Variants in CACNA2D1 observed in about 807,000 individuals in gnomAD.
The protein encoded by CACNA2D1 is calcium voltage-gated channel auxiliary subunit alpha2delta 1.
Under a neutral mutation model 171.5 loss-of-function variants are expected in CACNA2D1, and 53 were observed. The observed-to-expected ratio is 0.31, with a 90% CI of 0.25 to 0.39. The LOEUF (loss-of-function observed/expected upper bound fraction) is 0.39, where lower values mean the gene tolerates loss of function less well. CACNA2D1 is among the 10% of genes least tolerant of loss of function. The pLI, the probability that CACNA2D1 is intolerant of heterozygous loss-of-function variation, is 1.00. For missense variants in CACNA2D1, 903 were observed against 1,299.8 expected, an observed-to-expected ratio of 0.69 and a Z score of 4.69; for synonymous variants, 442 against 443.1, an observed-to-expected ratio of 1.00 and a Z score of 0.03.
chr7:82,141,859 C>T (rs1392332531), intron 4 of CACNA2D1, among the ~76,000 whole-genome samples: 1 of 152,182 alleles, frequency 6.6e-6, no homozygotes, highest in Non-Finnish European at 1.5e-5. Context: ...AAAATTCCCT[C>T]AGTCCCTTCT....
intron 4 of CACNA2D1, among the ~76,000 whole-genome samples, chr7:82,138,475 G>C (rs555607813): frequency 0.035 from 4,544 of 129,794 alleles, 119 homozygotes; most frequent in Middle Eastern, 0.12. Flanking sequence ...GAGACAGAGT[G>C]TCGCTGTGTC....
At position 82,149,740 on chromosome 7, in the gene CACNA2D1, A is replaced by G. The variant is rs190588139; in HGVS notation, c.355-13064T>C. 2.2e-3 allele frequency among the ~76,000 whole-genome samples: 328 copies of G among 151,486 alleles called. 2 individuals are homozygous for G. Among genetic ancestry groups the G allele is most frequent in the African/African-American group, 6.9e-3 (284 of 41,388 alleles). ...TCAGGAGATCGAGACCACCCTGGCT[A>G]ATACGGTAAAACCCTGTCTCTACTA... On this transcript the variant is annotated intron_variant, in intron 4 of 38. Transcript: ENST00000356860.
intron 28 of CACNA2D1, among the ~76,000 whole-genome samples, chr7:81,969,208 A>G (rs1371598678): frequency 6.6e-6 from 1 of 151,418 alleles, no homozygotes; most frequent in Non-Finnish European, 1.5e-5. Context: ...GCTTGGTTGC[A>G]TCTGCTTTCA....
chr7:81,968,548 GT>G (rs1000035862), intron 29 of CACNA2D1, among the ~76,000 whole-genome samples: 10 of 151,262 alleles, frequency 6.6e-5, no homozygotes, highest in African/African-American at 2.4e-4. Flanking sequence ...ATATAACTTT[GT>G]ACGTATTTTA....
chr7:81,999,335 G>T lies in CACNA2D1; in HGVS notation c.1591-2085C>A, dbSNP rs574660484. ...AAAAGCATAATCTTTCAATAAGAAA[G>T]CACCAAGAGAGGCTGAAGAACTGGA... is the stretch of plus-strand genomic sequence containing the variant. On this transcript the variant is annotated intron_variant, in intron 18 of 38. Transcript: ENST00000356860. Among the ~76,000 whole-genome samples the T allele has an allele frequency of 4.6e-5, 7 of 152,224 alleles. No individual in the cohort carries two copies. In the South Asian group the frequency reaches 1.5e-3, roughly 32 times the overall value.
chr7:82,120,157 G>T (rs1372256656), intron 5 of CACNA2D1, among the ~76,000 whole-genome samples: 3 of 152,174 alleles, frequency 2.0e-5, no homozygotes, highest in Admixed American at 1.3e-4. Flanking sequence ...ACTCTAGCCT[G>T]GGTGACAGAA....
chr7:82,355,610 T>C (rs1159293452), intron 1 of CACNA2D1, among the ~76,000 whole-genome samples: 1 of 152,090 alleles, frequency 6.6e-6, no homozygotes, highest in Non-Finnish European at 1.5e-5. Context: ...TCCTAACTAG[T>C]GTTCATCACT....
rs898993136 is a variant in CACNA2D1, at chr7:81,952,254, A to G, written c.3160-1746T>C. On this transcript the variant is annotated intron_variant, in intron 38 of 38. Transcript: ENST00000356860. ...TAGATGTTCTAAGAATCAAAATAAT[A>G]GGTTGAACAATTTTCTTTCAGGATA... Among the ~76,000 whole-genome samples the G allele has an allele frequency of 4.2e-4, 64 of 152,098 alleles. 1 individual carries two copies. The highest frequency in any genetic ancestry group is 7.5e-4 in the Non-Finnish European group (51 of 67,972).
chr7:82,216,647 G>C (rs1297244790), intron 3 of CACNA2D1, among the ~76,000 whole-genome samples: 1 of 151,874 alleles, frequency 6.6e-6, no homozygotes, highest in Non-Finnish European at 1.5e-5. Context: ...TCACCATAAT[G>C]AGATAGTTTG....
intron 1 of CACNA2D1, among the ~76,000 whole-genome samples, chr7:82,420,071 T>C (rs934624954): frequency 1.3e-5 from 2 of 152,172 alleles, no homozygotes; most frequent in African/African-American, 4.8e-5. Flanking sequence ...AGTCCTGAGG[T>C]TGAGAAATTC....
chr7:82,208,266 C>T (rs900384889), intron 3 of CACNA2D1, among the ~76,000 whole-genome samples: 1 of 152,048 alleles, frequency 6.6e-6, no homozygotes, highest in African/African-American at 2.4e-5. Context: ...AAATAATATA[C>T]ATTAACGATA....
chr7:82,323,468 G>A (rs929450115), intron 3 of CACNA2D1, among the ~76,000 whole-genome samples: 2 of 152,122 alleles, frequency 1.3e-5, no homozygotes, highest in Admixed American at 6.5e-5. Context: ...CGACCTATGC[G>A]CAGGACCAGC....
intron 5 of CACNA2D1, among the ~76,000 whole-genome samples, chr7:82,132,345 T>C (rs955186554): frequency 6.6e-6 from 1 of 152,222 alleles, no homozygotes; most frequent in African/African-American, 2.4e-5. Flanking sequence ...TCTCAATTAC[T>C]ATCCCTTCTC....
intron 1 of CACNA2D1, among the ~76,000 whole-genome samples, chr7:82,381,991 T>C (rs541102621): frequency 6.6e-6 from 1 of 152,286 alleles, no homozygotes; most frequent in East Asian, 1.9e-4. Context: ...TATTTCCTAA[T>C]AGACCTATTT....
chr7:82,295,868 A>C (rs576854057), intron 3 of CACNA2D1, among the ~76,000 whole-genome samples: 19 of 152,258 alleles, frequency 1.2e-4, no homozygotes, highest in Middle Eastern at 3.4e-3. Context: ...CCAAATGTCC[A>C]ACAATGATAG....
intron 4 of CACNA2D1, among the ~76,000 whole-genome samples, chr7:82,137,775 G>A (rs1000357962): frequency 6.6e-6 from 1 of 150,516 alleles, no homozygotes; most frequent in Non-Finnish European, 1.5e-5. Flanking sequence ...AGCTACTCCG[G>A]AGGCTGAGGC....
chr7:82,233,248 A>G (rs1803164262), intron 3 of CACNA2D1, among the ~76,000 whole-genome samples: 1 of 152,232 alleles, frequency 6.6e-6, no homozygotes, highest in Non-Finnish European at 1.5e-5. Flanking sequence ...CTATTTTCAC[A>G]ACATGAACAT....
chr7:82,130,805 T>TTTTTTTTTTTTTTTTTTTTTTTTTTTC (rs1790878103), intron 5 of CACNA2D1, among the ~76,000 whole-genome samples: 1 of 131,556 alleles, frequency 7.6e-6, no homozygotes, highest in African/African-American at 2.8e-5. Flanking sequence ...TTTTTTTTTT[T>TTTTTTTTTTTTTTTTTTTTTTTTTTTC]TTTTTTTTTG....
intron 7 of CACNA2D1, among the ~76,000 whole-genome samples, chr7:82,080,527 C>T (rs1451179053): frequency 6.6e-6 from 1 of 152,094 alleles, no homozygotes; most frequent in Admixed American, 6.5e-5. Context: ...AAAAGAAATA[C>T]AAGACAATCA....
Sources: allele counts gnomAD v4.1 joint callset (sites outside exome capture counted in the v4.1 genomes callset), GRCh38; gene constraint gnomAD v4.1.1; transcripts MANE v1.5; gene names NCBI Gene and HGNC (gene_info 2026-07-23, HGNC 2026-07-21).